Variants in STXBP5L observed in about 807,000 individuals in gnomAD.
The protein encoded by STXBP5L is syntaxin binding protein 5L, also known as syntaxin-binding protein 5-like.
Under a neutral mutation model 144.5 loss-of-function variants are expected in STXBP5L, and 65 were observed. The observed-to-expected ratio is 0.45, with a 90% CI of 0.37 to 0.55. The LOEUF (loss-of-function observed/expected upper bound fraction) is 0.55, where lower values mean the gene tolerates loss of function less well. Ranked by LOEUF, STXBP5L falls within the 20% of genes least tolerant of loss-of-function variation. The probability of loss-of-function intolerance (pLI) is 0.00; values close to 1 mark genes in which losing one functional copy is unlikely to be tolerated. For synonymous variants in STXBP5L, 505 were observed against 469.6 expected (o/e 1.08, Z -0.97); for missense variants, 1,298 against 1,405.5 (o/e 0.92, Z 1.22).
intron 5 of STXBP5L, among the ~76,000 whole-genome samples, chr3:121,051,701 T>G (rs1948010793): frequency 6.6e-6 from 1 of 151,698 alleles, no homozygotes; most frequent in African/African-American, 2.4e-5. Flanking sequence ...GGAAACACAT[T>G]CAAAAGCTAG....
intron 5 of STXBP5L, among the ~76,000 whole-genome samples, chr3:121,087,438 T>C (rs1240329565): frequency 1.3e-5 from 2 of 152,088 alleles, no homozygotes; most frequent in East Asian, 3.8e-4. Context: ...TGTCCCTCTC[T>C]ATCTCATAAT....
chr3:120,982,478 T>C (rs1265572603), intron 3 of STXBP5L, among the ~76,000 whole-genome samples: 6 of 152,140 alleles, frequency 3.9e-5, no homozygotes. Context: ...GGGAATGCAA[T>C]CCATTTCCCT....
intron 5 of STXBP5L, chr3:121,099,541 C>T (rs568919146): frequency 6.5e-6 from 1 of 152,712 alleles, no homozygotes; most frequent in Non-Finnish European, 1.5e-5. Context: ...CTGAACAGAC[C>T]AATATCAATC....
chr3:121,348,663 A>G (rs1576245056), intron 20 of STXBP5L, among the ~76,000 whole-genome samples: 1 of 151,908 alleles, frequency 6.6e-6, no homozygotes, highest in Admixed American at 6.6e-5. Context: ...CAGAGATTCA[A>G]CTTCTTCCTG....
At chr3:121,308,554 A>G (rs1355523785) in intron 19 of STXBP5L, among the ~76,000 whole-genome samples, 2 of 152,208 alleles carry the variant, frequency 1.3e-5, no homozygotes, top group African/African-American at 2.4e-5. Context: ...AACAACATAT[A>G]TATAATTGTT....
chr3:120,998,140 A>G (rs940053053), intron 3 of STXBP5L, among the ~76,000 whole-genome samples: 2 of 152,202 alleles, frequency 1.3e-5, no homozygotes, highest in Admixed American at 1.3e-4. Flanking sequence ...TGAATGGGCA[A>G]TAGCTGTAAT....
At chr3:121,094,420 G>C (rs1322959039) in intron 5 of STXBP5L, among the ~76,000 whole-genome samples, 4 of 151,980 alleles carry the variant, frequency 2.6e-5, no homozygotes, top group African/African-American at 4.8e-5. Flanking sequence ...TCTCTTTATA[G>C]GTCACTCAGG....
chr3:121,147,041 A>AAAAC (rs998662990), intron 7 of STXBP5L, among the ~76,000 whole-genome samples: 1 of 152,104 alleles, frequency 6.6e-6, no homozygotes, highest in Non-Finnish European at 1.5e-5. Flanking sequence ...AGTCACTGAG[A>AAAAC]AAACAAACAA....
intron 22 of STXBP5L, among the ~76,000 whole-genome samples, chr3:121,387,826 C>G (rs2046464018): frequency 6.6e-6 from 1 of 152,208 alleles, no homozygotes; most frequent in Non-Finnish European, 1.5e-5. Context: ...AGTTTGAAGT[C>G]AGGTAGCTTG....
At chr3:121,369,935 T>C (rs2045980709) in intron 20 of STXBP5L, among the ~76,000 whole-genome samples, 1 of 152,176 alleles carries the variant, frequency 6.6e-6, no homozygotes, top group Non-Finnish European at 1.5e-5. Flanking sequence ...CTTGGCTCTG[T>C]GTCCCCACCT....
At chr3:121,244,726 G>A (rs1342546811) in intron 14 of STXBP5L, among the ~76,000 whole-genome samples, 3 of 152,108 alleles carry the variant, frequency 2.0e-5, no homozygotes, top group African/African-American at 7.2e-5. Flanking sequence ...CCATGAGATT[G>A]TCAGCAGGTT....
intron 5 of STXBP5L, among the ~76,000 whole-genome samples, chr3:121,082,574 T>C (rs2042302933): frequency 6.6e-6 from 1 of 152,226 alleles, no homozygotes; most frequent in South Asian, 2.1e-4. Flanking sequence ...GCTCTGACCA[T>C]CTTGAAATTC....
intron 9 of STXBP5L, among the ~76,000 whole-genome samples, chr3:121,179,801 T>A (rs1487387905): frequency 2.0e-5 from 3 of 151,688 alleles, no homozygotes; most frequent in Non-Finnish European, 4.4e-5. Flanking sequence ...CAGTAGAAAG[T>A]TTCAACAACA....
chr3:121,352,138 T>A (rs2045311691), intron 20 of STXBP5L, among the ~76,000 whole-genome samples: 1 of 152,152 alleles, frequency 6.6e-6, no homozygotes, highest in Non-Finnish European at 1.5e-5. Context: ...GCTTTGTTCT[T>A]CTGGCTTAGG....
intron 3 of STXBP5L, among the ~76,000 whole-genome samples, chr3:121,004,839 A>G (rs1944130409): frequency 6.6e-6 from 1 of 152,102 alleles, no homozygotes; most frequent in African/African-American, 2.4e-5. Flanking sequence ...TTTTATTTAT[A>G]TGCTGGATTA....
rs767805555 is a variant in STXBP5L, at chr3:120,973,678, TG to T, written c.287+18642del. 9.2e-5 allele frequency among the ~76,000 whole-genome samples: 14 copies of T among 152,082 alleles called. 1 individual carries two copies. Among genetic ancestry groups the T allele is most frequent in the Admixed American group, 7.9e-4 (12 of 15,252 alleles). ...ATTTAGCATTAGGTAAATCTCCTAA[TG>T]CTATCCCTCCCCCATCCCCCCACCC... On this transcript the variant is annotated intron_variant, in intron 3 of 26. Transcript: ENST00000471454.
At chr3:121,115,748 T>C (rs2107831108) in intron 6 of STXBP5L, among the ~76,000 whole-genome samples, 1 of 152,268 alleles carries the variant, frequency 6.6e-6, no homozygotes, top group African/African-American at 2.4e-5. Context: ...TGGCATCTGC[T>C]TAGCTTCCAG....
intron 18 of STXBP5L, among the ~76,000 whole-genome samples, chr3:121,260,752 T>C (rs919708034): frequency 1.3e-5 from 2 of 152,064 alleles, no homozygotes; most frequent in African/African-American, 4.8e-5. Context: ...CTAAGCTGAG[T>C]CTTATAAGCT....
intron 20 of STXBP5L, among the ~76,000 whole-genome samples, chr3:121,348,455 G>A (rs916989557): frequency 6.6e-6 from 1 of 152,056 alleles, no homozygotes; most frequent in Admixed American, 6.6e-5. Context: ...TTGGTATCAG[G>A]ATGATGCTGG....
Sources: allele counts gnomAD v4.1 joint callset (sites outside exome capture counted in the v4.1 genomes callset), GRCh38; gene constraint gnomAD v4.1.1; transcripts MANE v1.5; gene names NCBI Gene and HGNC (gene_info 2026-07-23, HGNC 2026-07-21).